Variants in SKP2 observed in about 807,000 individuals in gnomAD.
SKP2 encodes S-phase kinase-associated protein 2.
A neutral mutation model predicts 51.8 loss-of-function variants in SKP2; 16 were observed. That is an observed-to-expected ratio of 0.31 (90% CI 0.21 to 0.47). The LOEUF (loss-of-function observed/expected upper bound fraction) is 0.47. SKP2 is among the 20% of genes least tolerant of loss of function. The probability of loss-of-function intolerance (pLI) is 1.00; values close to 1 mark genes in which losing one functional copy is unlikely to be tolerated. For synonymous variants in SKP2, 176 were observed against 198.6 expected, an observed-to-expected ratio of 0.89 and a Z score of 0.96; for missense variants, 377 against 505.3, an observed-to-expected ratio of 0.75 and a Z score of 2.43.
intron 6 of SKP2, among the ~76,000 whole-genome samples, chr5:36,190,683 C>CAAAAAAAAAAAAAAAAAA (rs70973094): frequency 3.1e-4 from 25 of 81,182 alleles, no homozygotes; most frequent in East Asian, 8.8e-4. Context: ...CAAACATATG[C>CAAAAAAAAAAAAAAAAAA]AAAAAAAAAA....
chr5:36,190,025 C>T lies in SKP2; in HGVS notation c.633-2596C>T, dbSNP rs144031186. Reference sequence around the variant, plus strand: ...GGCATGGGACCCTCTGAGCCAGGCGCGGGATATAATCTCCTGGTGTGCCGT... The same window carrying T: ...GGCATGGGACCCTCTGAGCCAGGCGTGGGATATAATCTCCTGGTGTGCCGT... On this transcript the variant is annotated intron_variant, in intron 6 of 7. Transcript: ENST00000677886. Among the ~76,000 whole-genome samples, 1,293 of 152,238 alleles carry T rather than the reference C, an allele frequency of 8.5e-3. 19 individuals carry two copies. Among genetic ancestry groups the T allele is most frequent in the African/African-American group, 0.03 (1,237 of 41,548 alleles).
Position 36,190,023 on chromosome 5 carries a change from C to T in SKP2, c.633-2598C>T, listed in dbSNP as rs574967822. On this transcript the variant is annotated intron_variant, in intron 6 of 7. Transcript: ENST00000677886. ...TGGGCATGGGACCCTCTGAGCCAGGCGCGGGATATAATCTCCTGGTGTGCC... is the reference window on the plus strand; with the variant it reads ...TGGGCATGGGACCCTCTGAGCCAGGTGCGGGATATAATCTCCTGGTGTGCC... Among the ~76,000 whole-genome samples the T allele has an allele frequency of 7.7e-3, 1,175 of 152,300 alleles. 11 individuals carry two copies. The highest frequency in any genetic ancestry group is 0.012 in the Non-Finnish European group (816 of 68,012).
chr5:36,159,771 A>G (rs1441798608), intron 2 of SKP2, among the ~76,000 whole-genome samples: 1 of 152,172 alleles, frequency 6.6e-6, no homozygotes, highest in Non-Finnish European at 1.5e-5. Flanking sequence ...CACTCTTTCT[A>G]GTGCTTCCTG....
At chr5:36,191,638 G>T (rs549611165) in intron 6 of SKP2, among the ~76,000 whole-genome samples, 2 of 152,108 alleles carry the variant, frequency 1.3e-5, no homozygotes, top group South Asian at 4.2e-4. Context: ...AACATTTATT[G>T]ACCATCCACA....
intron 2 of SKP2, among the ~76,000 whole-genome samples, chr5:36,157,441 GT>G (rs1393626398): frequency 1.3e-5 from 2 of 152,106 alleles, no homozygotes; most frequent in Admixed American, 1.3e-4. Context: ...GTTTGGCTGT[GT>G]TTTGTTTTTT....
In SKP2 at chr5:36,166,660, C is replaced by T; in HGVS notation, c.534C>T (p.Phe178=). ...TGGACCAACCATTGGCTGAACATTT[C>T]AGGTAAAGATGAAAAATCCCTGGAA... ...SFMDQPLAEH[F]SPFRVQHMDL... Residue 178 remains phenylalanine (F), a splice_region_variant and synonymous_variant, in exon 4 of 10, where the codon TTC becomes TTT. Coordinates refer to ENST00000274255, the MANE Select transcript of SKP2 (RefSeq NM_005983.4). 1 of 1,612,586 alleles carries T rather than the reference C, an allele frequency of 6.2e-7. No individual in the cohort carries two copies. The highest frequency in any genetic ancestry group is 2.2e-5 in the East Asian group (1 of 44,854).
At chr5:36,160,027 T>A (rs1317689420) in intron 2 of SKP2, among the ~76,000 whole-genome samples, 1 of 152,232 alleles carries the variant, frequency 6.6e-6, no homozygotes, top group Non-Finnish European at 1.5e-5. Flanking sequence ...GCTGCATTAT[T>A]TAATCTTTTC....
At chr5:36,165,897 G>A (rs142795920) in intron 3 of SKP2, among the ~76,000 whole-genome samples, 104 of 152,040 alleles carry the variant, frequency 6.8e-4, no homozygotes, top group African/African-American at 2.4e-3. Flanking sequence ...TCTATAATCC[G>A]TTGTATTTTT....
chr5:36,184,974 A>G (rs568617824), downstream of SKP2, among the ~76,000 whole-genome samples: 2 of 152,276 alleles, frequency 1.3e-5, no homozygotes, highest in South Asian at 2.1e-4. Flanking sequence ...GTGAGATGGT[A>G]TCTCATTGTG....
rs552683420 is a variant in SKP2, at chr5:36,183,335, C to T, written c.*1304C>T. On this transcript the variant is annotated 3_prime_UTR_variant, in exon 10 of 10. Transcript: ENST00000274255. ...AGGCCGGAGTGCAGTGGTGCGATCT[C>T]GGCTCACTGCAAGCTCCGCCTCCCA... is the stretch of plus-strand genomic sequence containing the variant. The T allele has an allele frequency of 3.5e-5, 12 of 338,428 alleles. No homozygotes were observed. In the East Asian group the frequency reaches 5.1e-4, roughly 15 times the overall value. The allele number at this position is 338,428 out of a possible 1,614,324, so 21.0% of individuals were successfully genotyped here. A position where few individuals can be genotyped will look rare whatever the true frequency, so the allele number is the denominator to read the frequency against.
chr5:36,152,676 T>G, intron 1 of SKP2, 95 bp from the exon 2 acceptor site: 1 of 1,332,128 alleles, frequency 7.5e-7, no homozygotes, highest in Non-Finnish European at 1.0e-6. Context: ...TGTGAAGGTT[T>G]CCTACAATGC....
downstream of SKP2, among the ~76,000 whole-genome samples, chr5:36,189,231 A>G (rs553095716): frequency 1.3e-5 from 2 of 152,108 alleles, no homozygotes; most frequent in Non-Finnish European, 2.9e-5. Context: ...AACTCGTCAA[A>G]GTCTTTCTCC....
chr5:36,182,082 G>A lies in SKP2; in HGVS notation c.*51G>A. Reference sequence around the variant, plus strand: ...TTCTTTAGAACAGGGAAAATAGGCAGGAAGCCCAATTGCTGGAGTACTTAG... The same window carrying A: ...TTCTTTAGAACAGGGAAAATAGGCAAGAAGCCCAATTGCTGGAGTACTTAG... On this transcript the variant is annotated 3_prime_UTR_variant, in exon 10 of 10. Transcript: ENST00000274255. 3 of 1,593,024 alleles carry A rather than the reference G, an allele frequency of 1.9e-6. No homozygotes were observed. Among genetic ancestry groups the A allele is most frequent in the South Asian group, 1.1e-5 (1 of 89,112 alleles).
Position 36,177,275 on chromosome 5 carries a change from A to T in SKP2, c.1044A>T (p.Ile348=). ...QHLSLSRCYD[I]IPETLLELGE... The stretch of plus-strand genomic sequence containing the variant: ...TATCACTCAGTCGGTGCTATGATAT[A>T]ATACCTGAAACTTTACTGTAAGTAT... Residue 348 remains isoleucine, a synonymous_variant, in exon 9 of 10, where the codon ATA becomes ATT. Transcript: ENST00000274255. 6.2e-7 allele frequency: 1 copy of T among 1,603,184 alleles called. No homozygotes were observed. The highest frequency in any genetic ancestry group is 8.5e-7 in the Non-Finnish European group (1 of 1,170,450).
At chr5:36,167,153 GA>G (rs1281999629) in intron 4 of SKP2, among the ~76,000 whole-genome samples, 2 of 152,102 alleles carry the variant, frequency 1.3e-5, no homozygotes, top group African/African-American at 4.8e-5. Context: ...TTTTGAAAAA[GA>G]ATTTTCTGTT....
At chr5:36,181,696 T>C in intron 9 of SKP2, 122 bp from the exon 10 acceptor site, 1 of 964,160 alleles carries the variant, frequency 1.0e-6, no homozygotes, top group Non-Finnish European at 1.6e-6. Flanking sequence ...TCATTTATTG[T>C]AAATTACACT....
intron 2 of SKP2, among the ~76,000 whole-genome samples, chr5:36,156,313 C>T (rs1561531000): frequency 6.6e-6 from 1 of 152,160 alleles, no homozygotes; most frequent in Non-Finnish European, 1.5e-5. Flanking sequence ...CTGCAGTTGT[C>T]AGGACAGGTG....
At position 36,182,558 on chromosome 5, in the gene SKP2, A is replaced by G; in HGVS notation, c.*527A>G. The G allele has an allele frequency of 2.0e-6, 2 of 984,708 alleles. No homozygotes were observed. The highest frequency in any genetic ancestry group is 2.4e-6 in the Non-Finnish European group (2 of 829,240). The allele number at this position is 984,708 out of a possible 1,614,324, so 61.0% of individuals were successfully genotyped here. A position where few individuals can be genotyped will look rare whatever the true frequency, so the allele number is the denominator to read the frequency against. ...AATAGGAAAGAGAAAAATGTATTTG[A>G]ATTTTGCCTTTAGATTTGAAATTAG... On this transcript the variant is annotated 3_prime_UTR_variant, in exon 10 of 10. Coordinates refer to ENST00000274255, the MANE Select transcript of SKP2 (RefSeq NM_005983.4).
At chr5:36,160,619 C>T (rs1366117754) in intron 2 of SKP2, among the ~76,000 whole-genome samples, 1 of 151,956 alleles carries the variant, frequency 6.6e-6, no homozygotes, top group Non-Finnish European at 1.5e-5. Flanking sequence ...ATAGTTATGC[C>T]CAATCAATTA....
Sources: allele counts gnomAD v4.1 joint callset (sites outside exome capture counted in the v4.1 genomes callset), GRCh38; gene constraint gnomAD v4.1.1; transcripts MANE v1.5; gene names NCBI Gene and HGNC (gene_info 2026-07-23, HGNC 2026-07-21).